ASXL3: variants seen among roughly 807,000 people sequenced by gnomAD.
The protein encoded by ASXL3 is putative Polycomb group protein ASXL3.
A neutral mutation model predicts 170.6 loss-of-function variants in ASXL3; 34 were observed. That is an observed-to-expected ratio of 0.20 (90% confidence interval 0.15 to 0.27). The LOEUF is 0.27. Among genes scored for constraint, ASXL3 ranks in the 10% least tolerant of loss-of-function variants. ASXL3 has a pLI of 1.00. For missense variants in ASXL3, 2,592 were observed against 2,695.3 expected (o/e 0.96, Z 0.85); for synonymous variants, 1,002 against 989.1 (o/e 1.01, Z -0.24).
intron 7 of ASXL3, among the ~76,000 whole-genome samples, chr18:33,682,663 C>T (rs2145283684): frequency 6.6e-6 from 1 of 152,240 alleles, no homozygotes; most frequent in South Asian, 2.1e-4. Context: ...CGTCCCACCT[C>T]AGACTCTGGG....
intron 1 of ASXL3, among the ~76,000 whole-genome samples, chr18:33,605,948 C>G (rs1006709994): frequency 2.6e-5 from 4 of 151,898 alleles, no homozygotes; most frequent in Non-Finnish European, 4.4e-5. Context: ...TGAGGCAGTG[C>G]CCACACTATA....
chr18:33,642,197 TAGC>T (rs1482695425), intron 2 of ASXL3, among the ~76,000 whole-genome samples: 2 of 151,976 alleles, frequency 1.3e-5, no homozygotes, highest in Non-Finnish European at 2.9e-5. Flanking sequence ...TTCTATTCAA[TAGC>T]AGTTAAGATA....
chr18:33,704,987 A>G (rs1436142619), intron 8 of ASXL3, among the ~76,000 whole-genome samples: 1 of 151,850 alleles, frequency 6.6e-6, no homozygotes, highest in Non-Finnish European at 1.5e-5. Flanking sequence ...ATCCATTCAG[A>G]AATTCTATTG....
intron 5 of ASXL3, among the ~76,000 whole-genome samples, chr18:33,669,110 T>A (rs1033781831): frequency 2.0e-5 from 3 of 152,192 alleles, no homozygotes; most frequent in Admixed American, 1.3e-4. Context: ...GTTTTATTAT[T>A]GATTGATAGG....
chr18:33,671,802 G>T lies in ASXL3; in HGVS notation c.651G>T (p.Gly217=). ...ADSSDKEMKH[G]QKSPTGKQTS... is the part of the protein sequence containing the mutation. ...GTTCAGATAAAGAAATGAAACATGG[G>T]CAAAAATCTCCCACTGGAAAACAAA... The change falls in exon 7 of 12, where the codon GGG becomes GGT. Residue 217 remains glycine, a synonymous_variant. Coordinates refer to ENST00000269197, the MANE Select transcript of ASXL3 (RefSeq NM_030632.3). 6.2e-7 allele frequency: 1 copy of T among 1,611,008 alleles called. No individual in the cohort carries two copies. The highest frequency in any genetic ancestry group is 8.5e-7 in the Non-Finnish European group (1 of 1,178,382).
intron 2 of ASXL3, among the ~76,000 whole-genome samples, chr18:33,631,104 C>T (rs2065670228): frequency 6.6e-6 from 1 of 151,916 alleles, no homozygotes; most frequent in Non-Finnish European, 1.5e-5. Flanking sequence ...TTTTATGTAT[C>T]TGCATATGAA....
Position 33,747,180 on chromosome 18 carries a change from T to C in ASXL3, c.*585T>C, listed in dbSNP as rs1170708935. ...ATGAAATCCACTGTCCTGAGTATTA[T>C]CTTTCCTCCTGTTGTACTTTCTCAG... On this transcript the variant is annotated 3_prime_UTR_variant, in exon 12 of 12. Transcript: ENST00000269197. The C allele has an allele frequency of 1.3e-5, 2 of 152,236 alleles. No individual in the cohort carries two copies. Among genetic ancestry groups the C allele is most frequent in the African/African-American group, 4.8e-5 (2 of 41,462 alleles). 9.4% of individuals were successfully genotyped at this position (152,236 alleles called of 1,614,324 possible).
chr18:33,743,941 A>G lies in ASXL3; in HGVS notation c.4093A>G (p.Ile1365Val), dbSNP rs746011068. The change falls in exon 12 of 12, where the codon ATT becomes GTT. Residue 1365 changes from isoleucine to valine, a missense_variant. Ile to Val is a conservative substitution (Grantham distance 29). Coordinates refer to ENST00000269197, the MANE Select transcript of ASXL3 (RefSeq NM_030632.3). ...CTCTGTCTTGATTCCCCCAATGGGA[A>G]TTAACAACAGATTTCCTTCTGAGAA... ...TSSVLIPPMGINNRFPSEKIA... is the reference protein window; with the variant it reads ...TSSVLIPPMGVNNRFPSEKIA... The G allele has an allele frequency of 1.9e-6, 3 of 1,614,036 alleles. No individual in the cohort carries two copies. Among genetic ancestry groups the G allele is most frequent in the Admixed American group, 1.7e-5 (1 of 60,032 alleles).
chr18:33,740,531 TC>T, intron 11 of ASXL3, 88 bp downstream of exon 11: 1 of 1,289,072 alleles, frequency 7.8e-7, no homozygotes, highest in South Asian at 1.7e-5. Flanking sequence ...TAGATTTTCT[TC>T]CTTCTAGGTT....
chr18:33,638,629 T>C (rs955108301), intron 2 of ASXL3, among the ~76,000 whole-genome samples: 1 of 152,208 alleles, frequency 6.6e-6, no homozygotes, highest in African/African-American at 2.4e-5. Context: ...GAATGTGAGA[T>C]AGTGGAAAGA....
intron 1 of ASXL3, among the ~76,000 whole-genome samples, chr18:33,583,387 A>C (rs1422265725): frequency 6.6e-6 from 1 of 152,200 alleles, no homozygotes; most frequent in African/African-American, 2.4e-5. Context: ...TTAATCACTA[A>C]AATTTCAGTT....
intron 2 of ASXL3, among the ~76,000 whole-genome samples, chr18:33,609,977 A>G (rs1437128155): frequency 3.3e-5 from 5 of 151,822 alleles, no homozygotes; most frequent in Non-Finnish European, 7.4e-5. Flanking sequence ...ATCTCTGCTC[A>G]CTGTTCCCTT....
Position 33,743,046 on chromosome 18 carries a change from C to T in ASXL3, c.3198C>T (p.Ala1066=). ...DIKARAQQAR[A]QREAAAAAAV... The stretch of plus-strand genomic sequence containing the variant: ...AGGCCCGGGCCCAACAAGCTCGGGC[C>T]CAGCGAGAGGCTGCTGCAGCTGCTG... Residue 1066 remains alanine, a synonymous_variant, in exon 12 of 12, where the codon GCC becomes GCT. Coordinates refer to ENST00000269197, the MANE Select transcript of ASXL3 (RefSeq NM_030632.3). 4 of 1,613,756 alleles carry T rather than the reference C, an allele frequency of 2.5e-6. No individual in the cohort carries two copies. In the East Asian group the frequency reaches 8.9e-5, roughly 36 times the overall value.
rs113893000 is a variant in ASXL3, at chr18:33,630,066, G to T, written c.138-14828G>T. On this transcript the variant is annotated intron_variant, in intron 2 of 11. Transcript: ENST00000269197. Reference sequence around the variant, plus strand: ...GGTTTCTCATGAATCATATTTCCCTGAGGGTGAAATTAAAACAAGAACTAG... The same window carrying T: ...GGTTTCTCATGAATCATATTTCCCTTAGGGTGAAATTAAAACAAGAACTAG... Among the ~76,000 whole-genome samples, 1,191 of 151,988 alleles carry T rather than the reference G, an allele frequency of 7.8e-3. 14 individuals carry two copies. The highest frequency in any genetic ancestry group is 0.026 in the African/African-American group (1,099 of 41,534).
intron 8 of ASXL3, among the ~76,000 whole-genome samples, chr18:33,719,994 T>C (rs770088495): frequency 6.6e-6 from 1 of 152,000 alleles, no homozygotes; most frequent in Non-Finnish European, 1.5e-5. Context: ...TTGTTGTTAG[T>C]TATCGTTTTT....
At chr18:33,630,856 A>G (rs1319061976) in intron 2 of ASXL3, among the ~76,000 whole-genome samples, 1 of 152,032 alleles carries the variant, frequency 6.6e-6, no homozygotes, top group Non-Finnish European at 1.5e-5. Context: ...TTTCTTCAAC[A>G]TGTAATTTTT....
Position 33,607,685 on chromosome 18 carries a change from C to G in ASXL3, c.137+9C>G. On this transcript the variant is annotated intron_variant, in intron 2 of 11. Coordinates refer to ENST00000269197, the MANE Select transcript of ASXL3 (RefSeq NM_030632.3). ...GGGTTAAAAGAAACAAGGTCAGTAT[C>G]CATATTTAAAACATTTTCTGTTTTC... 6.4e-7 allele frequency: 1 copy of G among 1,553,080 alleles called. No homozygotes were observed. Among genetic ancestry groups the G allele is most frequent in the Non-Finnish European group, 8.7e-7 (1 of 1,144,606 alleles).
At chr18:33,637,607 C>A (rs2065787645) in intron 2 of ASXL3, among the ~76,000 whole-genome samples, 1 of 151,960 alleles carries the variant, frequency 6.6e-6, no homozygotes, top group Non-Finnish European at 1.5e-5. Context: ...AATGTCTGTT[C>A]TTTTAATATA....
chr18:33,607,731 C>A, intron 2 of ASXL3, 55 bp downstream of exon 2: 1 of 1,313,748 alleles, frequency 7.6e-7, no homozygotes, highest in Non-Finnish European at 1.1e-6. Context: ...AATTGCCACT[C>A]GTTGCTAAGC....
Sources: allele counts gnomAD v4.1 joint callset (sites outside exome capture counted in the v4.1 genomes callset), GRCh38; gene constraint gnomAD v4.1.1; transcripts MANE v1.5; gene names NCBI Gene and HGNC (gene_info 2026-07-23, HGNC 2026-07-21).